TXLNG: variants seen among roughly 807,000 people sequenced by gnomAD.
The protein encoded by TXLNG is taxilin gamma.
Under a neutral mutation model 38.8 loss-of-function variants are expected in TXLNG, and 5 were observed. The observed-to-expected ratio is 0.13, with a 90% CI of 0.07 to 0.27. The LOEUF (loss-of-function observed/expected upper bound fraction) is 0.27. TXLNG is among the 10% of genes least tolerant of loss of function. The pLI is 1.00. For synonymous variants in TXLNG, 182 were observed against 158.2 expected (o/e 1.15, Z -1.13); for missense variants, 393 against 398.2 (o/e 0.99, Z 0.11).
At chrX:16,804,788 G>T (rs1297191474) in intron 1 of TXLNG, among the ~76,000 whole-genome samples, 2 of 108,870 alleles carry the variant, frequency 1.8e-5, no homozygotes, top group Non-Finnish European at 3.8e-5. Flanking sequence ...TCGTTACATG[G>T]ATACATTATG....
chrX:16,805,290 C>A (rs1313708266), intron 1 of TXLNG, among the ~76,000 whole-genome samples: 1 of 110,908 alleles, frequency 9.0e-6, no homozygotes, highest in Non-Finnish European at 1.9e-5. Flanking sequence ...CCCTCCACCC[C>A]CTTTTTAAAA....
Position 16,828,201 on chromosome X carries a change from C to T in TXLNG, c.606C>T (p.Ile202=), listed in dbSNP as rs367832697. ...VHLQSEHSKA[I]LARSKLESLC... ...TGCAGAGTGAACATAGCAAGGCTAT[C>T]TTGGCAAGAAGCAAGCTAGAATCTC... The change falls in exon 4 of 10, where the codon ATC becomes ATT. Residue 202 remains isoleucine, a synonymous_variant. Transcript: ENST00000380122. 62 of 1,209,169 alleles carry T rather than the reference C, an allele frequency of 5.1e-5. No homozygotes were observed. The highest frequency in any genetic ancestry group is 6.5e-5 in the Non-Finnish European group (58 of 894,616).
At chrX:16,786,960 C>T (rs1025245183) in intron 1 of TXLNG, among the ~76,000 whole-genome samples, 138 of 112,898 alleles carry the variant, frequency 1.2e-3, no homozygotes, top group Non-Finnish European at 2.1e-3. Flanking sequence ...ACCGCCGTCA[C>T]CGTGCTCCCG....
At chrX:16,840,528 CT>C (rs1015212258) in intron 9 of TXLNG, 78 of 652,806 alleles carry the variant, frequency 1.2e-4, no homozygotes, top group Non-Finnish European at 2.6e-5. Flanking sequence ...AATCCCAGCA[CT>C]TTGGGAGGCC....
rs182003235 is a variant in TXLNG, at chrX:16,787,315, G to A, written c.102+726G>A. Among the ~76,000 whole-genome samples the A allele has an allele frequency of 7.1e-3, 794 of 112,259 alleles. 4 individuals are homozygous for A. Among genetic ancestry groups the A allele is most frequent in the African/African-American group, 0.024 (747 of 30,983 alleles). On this transcript the variant is annotated intron_variant, in intron 1 of 9. Coordinates refer to ENST00000380122, the MANE Select transcript of TXLNG (RefSeq NM_018360.3). ...GATGCTGGAGGACCTCGGTCCTGCA[G>A]AGTTGGGATATCGCATGATAGCTGG...
At chrX:16,831,928 G>A (rs1000479868) in intron 5 of TXLNG, among the ~76,000 whole-genome samples, 3 of 112,255 alleles carry the variant, frequency 2.7e-5, no homozygotes, top group Admixed American at 1.9e-4. Flanking sequence ...GGAAGGGATT[G>A]TTCTGTTGAC....
At chrX:16,800,177 C>A (rs888737558) in intron 1 of TXLNG, among the ~76,000 whole-genome samples, 10 of 112,040 alleles carry the variant, frequency 8.9e-5, no homozygotes, top group Non-Finnish European at 1.9e-4. Context: ...TGACCTCAGG[C>A]GATCCACCCA....
In TXLNG at chrX:16,841,722, C is replaced by T. The variant is rs745481556; in HGVS notation, c.1543C>T (p.Pro515Ser). The change falls in exon 10 of 10, where the codon CCC (proline) becomes TCC (serine). Residue 515 changes from proline (P) to serine (S), a missense_variant. Coordinates refer to ENST00000380122, the MANE Select transcript of TXLNG (RefSeq NM_018360.3). The part of the protein sequence containing the change: ...PKSQRSAVQK[P>S]PSTGSAPAIE... Reference sequence around the variant, plus strand: ...GAGTCAGAGAAGCGCTGTGCAAAAGCCCCCGTCCACAGGCTCTGCTCCGGC... The same window carrying T: ...GAGTCAGAGAAGCGCTGTGCAAAAGTCCCCGTCCACAGGCTCTGCTCCGGC... 49 of 1,209,988 alleles carry T rather than the reference C, an allele frequency of 4.0e-5. No homozygotes were observed. Among genetic ancestry groups the T allele is most frequent in the Non-Finnish European group, 5.5e-5 (49 of 895,216 alleles).
intron 3 of TXLNG, among the ~76,000 whole-genome samples, chrX:16,827,516 T>A (rs1929213550): frequency 9.0e-6 from 1 of 111,653 alleles, no homozygotes; most frequent in African/African-American, 3.3e-5. Context: ...TTGAAGGGCA[T>A]CATCCTTCAA....
intron 1 of TXLNG, among the ~76,000 whole-genome samples, chrX:16,817,781 T>G (rs1450520051): frequency 8.9e-6 from 1 of 112,623 alleles, no homozygotes; most frequent in Non-Finnish European, 1.9e-5. Flanking sequence ...GGATAGCTGC[T>G]TAAAATATCA....
chrX:16,825,791 G>A (rs1392166814), intron 3 of TXLNG, among the ~76,000 whole-genome samples: 2 of 112,012 alleles, frequency 1.8e-5, no homozygotes, highest in African/African-American at 3.2e-5. Context: ...TAAAGAACAC[G>A]TGACAGAGAC....
intron 4 of TXLNG, among the ~76,000 whole-genome samples, 197 bp from the exon 5 acceptor site, chrX:16,829,379 C>A (rs1929291720): frequency 9.0e-6 from 1 of 111,272 alleles, no homozygotes; most frequent in Non-Finnish European, 1.9e-5. Flanking sequence ...GTTTGCATCT[C>A]TCTGGTTATC....
At chrX:16,822,934 G>A (rs1929030714) in intron 3 of TXLNG, among the ~76,000 whole-genome samples, 2 of 111,816 alleles carry the variant, frequency 1.8e-5, no homozygotes, top group African/African-American at 6.5e-5. Context: ...ACTTGAAGTA[G>A]CAGGGGTCTA....
intron 5 of TXLNG, among the ~76,000 whole-genome samples, chrX:16,831,381 T>C (rs1328090358): frequency 8.9e-6 from 1 of 112,457 alleles, no homozygotes; most frequent in Non-Finnish European, 1.9e-5. Flanking sequence ...GTGATGGGAG[T>C]GAGACTGTCT....
At chrX:16,816,210 G>C (rs1928739291) in intron 1 of TXLNG, among the ~76,000 whole-genome samples, 1 of 109,640 alleles carries the variant, frequency 9.1e-6, no homozygotes, top group Non-Finnish European at 1.9e-5. Flanking sequence ...TGGCCAGGCT[G>C]GTCTTGAACT....
chrX:16,839,095 A>G (rs997275309), intron 8 of TXLNG, among the ~76,000 whole-genome samples: 6 of 112,328 alleles, frequency 5.3e-5, no homozygotes, highest in Admixed American at 4.7e-4. Flanking sequence ...GTAGCTAGCT[A>G]CAGGCATGGA....
chrX:16,795,620 AC>A, intron 1 of TXLNG, among the ~76,000 whole-genome samples: 1 of 111,341 alleles, frequency 9.0e-6, no homozygotes, highest in East Asian at 2.8e-4. Context: ...TTGTGCTCTT[AC>A]ATGCTGTGAC....
chrX:16,789,205 T>C (rs61455911), intron 1 of TXLNG, among the ~76,000 whole-genome samples: 3,777 of 111,275 alleles, frequency 0.034, 181 homozygotes, highest in African/African-American at 0.12. Context: ...TGAGGAACAA[T>C]TGGAGATGGG....
chrX:16,795,729 CCAT>C (rs1265706867), intron 1 of TXLNG, among the ~76,000 whole-genome samples: 1 of 111,929 alleles, frequency 8.9e-6, no homozygotes, highest in Non-Finnish European at 1.9e-5. Context: ...CCTTAGAACT[CCAT>C]CATTTCTCTG....
Sources: gnomAD v4.1 joint callset for allele counts (sites outside exome capture counted in the v4.1 genomes callset) on GRCh38, gnomAD v4.1.1 for gene constraint, MANE v1.5 for transcripts, NCBI Gene and HGNC (gene_info 2026-07-23, HGNC 2026-07-21) for gene names.